CD300E: variants seen among roughly 807,000 people sequenced by gnomAD.
CD300E encodes the protein CMRF35-like molecule 2.
CD300E carries 14 observed loss-of-function variants against 20.9 expected under a neutral mutation model. That is an observed-to-expected ratio of 0.67 (90% CI 0.44 to 1.05). CD300E has a LOEUF of 1.05. Among genes scored for constraint, CD300E ranks in the 50% least tolerant of loss-of-function variants. The pLI, the probability that CD300E is intolerant of heterozygous loss-of-function variation, is 0.00. For synonymous variants in CD300E, 102 were observed against 103.7 expected (o/e 0.98, Z 0.10); for missense variants, 237 against 253.9 (o/e 0.93, Z 0.45).
chr17:74,621,332 T>A (rs55895217), intron 1 of CD300E, among the ~76,000 whole-genome samples: 3,304 of 152,270 alleles, frequency 0.022, 122 homozygotes, highest in African/African-American at 0.074. Context: ...AGATGTTTGT[T>A]AAGTTACATA....
At chr17:74,617,077 C>T (rs529737411) in intron 2 of CD300E, 41 bp downstream of exon 2, 41 of 1,563,128 alleles carry the variant, frequency 2.6e-5, no homozygotes, top group Middle Eastern at 3.3e-4. Flanking sequence ...CTTGTCCAGT[C>T]GCACCCCAAA....
chr17:74,620,192 C>T (rs949370717), intron 1 of CD300E, among the ~76,000 whole-genome samples: 3 of 152,100 alleles, frequency 2.0e-5, no homozygotes, highest in African/African-American at 7.2e-5. Context: ...CAAAAATTGG[C>T]CGGGTGTGGT....
chr17:74,617,682 G>T (rs1278741462), intron 1 of CD300E, among the ~76,000 whole-genome samples: 1 of 152,120 alleles, frequency 6.6e-6, no homozygotes. Flanking sequence ...ACAGCACAGG[G>T]GCCCCAGCAC....
intron 1 of CD300E, among the ~76,000 whole-genome samples, chr17:74,621,079 A>T (rs1381740875): frequency 6.6e-6 from 1 of 152,186 alleles, no homozygotes; most frequent in Admixed American, 6.5e-5. Context: ...AAAGAAAAAG[A>T]TGAGATAAGG....
At chr17:74,615,307 G>A (rs2030876788) in intron 2 of CD300E, among the ~76,000 whole-genome samples, 1 of 152,184 alleles carries the variant, frequency 6.6e-6, no homozygotes, top group South Asian at 2.1e-4. Flanking sequence ...GGGGGCAGGG[G>A]AATTTGGTTC....
intron 3 of CD300E, among the ~76,000 whole-genome samples, chr17:74,613,472 T>C (rs1010231935): frequency 1.2e-4 from 19 of 152,288 alleles, no homozygotes; most frequent in African/African-American, 4.6e-4. Context: ...TCACAGCCCT[T>C]TCTGGATATC....
chr17:74,612,826 C>T (rs973267596), intron 3 of CD300E, 53 bp from the exon 4 acceptor site: 4 of 1,600,974 alleles, frequency 2.5e-6, no homozygotes, highest in Admixed American at 1.7e-5. Context: ...CCCCCAGGAC[C>T]CTTCTCTCCC....
chr17:74,617,698 G>A (rs986724363), intron 1 of CD300E, among the ~76,000 whole-genome samples: 6 of 152,316 alleles, frequency 3.9e-5, no homozygotes, highest in African/African-American at 1.4e-4. Context: ...AGCACCTGGA[G>A]ACCAAAGCTG....
intron 1 of CD300E, chr17:74,618,947 T>C (rs2030962666): frequency 2.5e-6 from 1 of 397,906 alleles, no homozygotes; most frequent in African/African-American, 2.1e-5. Context: ...TCTGCTGTCC[T>C]AATTCTCGTA....
At position 74,614,037 on chromosome 17, in the gene CD300E, T is replaced by C. The variant is rs1333785723; in HGVS notation, c.389-4A>G. On this transcript the variant is annotated splice_polypyrimidine_tract_variant and splice_region_variant and intron_variant, in intron 2 of 3. Coordinates refer to ENST00000392619, the MANE Select transcript of CD300E (RefSeq NM_181449.3). ...GTCCTCCTTGGGGTTGTAATTGCTG[T>C]TGGAGATGAAAATGATGCATCAGCC... 1 of 1,611,152 alleles carries C rather than the reference T, an allele frequency of 6.2e-7. No individual in the cohort carries two copies. The highest frequency in any genetic ancestry group is 8.5e-7 in the Non-Finnish European group (1 of 1,177,664).
At chr17:74,623,021 AGCCACCAC>A (rs1361501931) in intron 1 of CD300E, among the ~76,000 whole-genome samples, 1 of 152,204 alleles carries the variant, frequency 6.6e-6, no homozygotes, top group East Asian at 1.9e-4. Context: ...TACAGGCGTG[AGCCACCAC>A]GCCCAGCCCA....
At chr17:74,616,961 G>A (rs192819894) in intron 2 of CD300E, among the ~76,000 whole-genome samples, 157 bp downstream of exon 2, 122 of 152,250 alleles carry the variant, frequency 8.0e-4, no homozygotes, top group African/African-American at 2.9e-3. Context: ...TGAAGGATCA[G>A]CCGCCTCTCT....
intron 2 of CD300E, among the ~76,000 whole-genome samples, chr17:74,616,673 G>C (rs1345772271): frequency 1.3e-5 from 2 of 152,174 alleles, no homozygotes; most frequent in Middle Eastern, 3.2e-3. Flanking sequence ...AGCATAGGGG[G>C]AGTAAGAGAA....
chr17:74,614,098 A>G (rs1042032177), intron 2 of CD300E, 65 bp from the exon 3 acceptor site: 5 of 1,217,264 alleles, frequency 4.1e-6, no homozygotes, highest in South Asian at 3.7e-5. Context: ...GAACACCCGT[A>G]TGGATGTCAT....
chr17:74,614,152 A>C, intron 2 of CD300E, 119 bp from the exon 3 acceptor site: 1 of 810,868 alleles, frequency 1.2e-6, no homozygotes, highest in Non-Finnish European at 2.0e-6. Flanking sequence ...GATCTTCTGA[A>C]GCCAGATCCA....
chr17:74,610,161 C>A lies in CD300E; in HGVS notation c.*2492G>T, dbSNP rs1469844158. 1 of 152,412 alleles carries A rather than the reference C, an allele frequency of 6.6e-6. No individual in the cohort carries two copies. The highest frequency in any genetic ancestry group is 1.5e-5 in the Non-Finnish European group (1 of 68,102). The allele number at this position is 152,412 out of a possible 1,614,324, so 9.4% of individuals were successfully genotyped here. A position where few individuals can be genotyped will look rare whatever the true frequency, so the allele number is the denominator to read the frequency against. On this transcript the variant is annotated 3_prime_UTR_variant, in exon 4 of 4. Transcript: ENST00000392619. ...TAGCCTCCTCTCAATCCCGGTCCTCCTCCACCTCTCTAGCTCTGCTCTCCT... is the reference window on the plus strand; with the variant it reads ...TAGCCTCCTCTCAATCCCGGTCCTCATCCACCTCTCTAGCTCTGCTCTCCT...
At chr17:74,613,286 A>G (rs796444943) in intron 3 of CD300E, among the ~76,000 whole-genome samples, 76 of 152,270 alleles carry the variant, frequency 5.0e-4, no homozygotes, top group African/African-American at 1.8e-3. Context: ...ATTTCGTAGT[A>G]GAGACAGGGT....
intron 1 of CD300E, among the ~76,000 whole-genome samples, chr17:74,617,818 C>T (rs751050726): frequency 6.6e-5 from 10 of 152,114 alleles, no homozygotes; most frequent in Non-Finnish European, 1.3e-4. Flanking sequence ...GGAGTGAGAC[C>T]CATATATTCT....
chr17:74,621,313 T>C (rs58098637), intron 1 of CD300E, among the ~76,000 whole-genome samples: 2 of 152,186 alleles, frequency 1.3e-5, no homozygotes, highest in African/African-American at 4.8e-5. Context: ...GATTGGCCAG[T>C]GAGCTCACAG....
Sources: gnomAD v4.1 joint callset for allele counts (sites outside exome capture counted in the v4.1 genomes callset) on GRCh38, gnomAD v4.1.1 for gene constraint, MANE v1.5 for transcripts, NCBI Gene and HGNC (gene_info 2026-07-23, HGNC 2026-07-21) for gene names.